Variants in SMARCC1 observed in about 807,000 individuals in gnomAD.
The protein encoded by SMARCC1 is SWI/SNF complex subunit SMARCC1.
Under a neutral mutation model 147.4 loss-of-function variants are expected in SMARCC1, and 43 were observed. The ratio of observed to expected loss-of-function variants is 0.29; its 90% CI spans 0.23 to 0.38. SMARCC1 has a LOEUF of 0.38. Among genes scored for constraint, SMARCC1 ranks in the 10% least tolerant of loss-of-function variants. SMARCC1 has a pLI of 1.00. For missense variants in SMARCC1, 1,119 were observed against 1,381.1 expected (o/e 0.81, Z 3.01); for synonymous variants, 495 against 484.4 (o/e 1.02, Z -0.29).
intron 2 of SMARCC1, among the ~76,000 whole-genome samples, chr3:47,750,908 T>C (rs2034620787): frequency 6.6e-6 from 1 of 152,032 alleles, no homozygotes. Flanking sequence ...AATTTTTTTT[T>C]TTTTTTGAGC....
intron 24 of SMARCC1, among the ~76,000 whole-genome samples, chr3:47,624,092 C>T (rs1311407241): frequency 6.6e-6 from 1 of 151,918 alleles, no homozygotes; most frequent in African/African-American, 2.4e-5. Context: ...GAGTTCGAGA[C>T]CAGCCCGGCC....
intron 2 of SMARCC1, among the ~76,000 whole-genome samples, chr3:47,749,691 A>ACACACACACACACACACAC (rs71070223): frequency 6.7e-6 from 1 of 149,734 alleles, no homozygotes. Flanking sequence ...ACACACACAC[A>ACACACACACACACACACAC]AAGTGAGACC....
chr3:47,662,547 C>T lies in SMARCC1; in HGVS notation c.1945G>A (p.Val649Ile). ...CATTCATCCTGAGTACGACTTCCAA[C>T]ATGTTCCGACACTTTGTTCCAATCA... ...KDDWNKVSEH[V>I]GSRTQDECIL... is the part of the protein sequence containing the mutation. The change falls in exon 20 of 28, where the codon GTT becomes ATT. Residue 649 changes from valine to isoleucine, a missense_variant. By Grantham distance (29) the Val-to-Ile change is conservative. This residue lies in a region of SMARCC1 where 178 missense variants were observed against 264.6 expected (regional missense o/e 0.67). Transcript: ENST00000254480. 1.2e-6 allele frequency: 2 copies of T among 1,613,992 alleles called. No individual in the cohort carries two copies. The highest frequency in any genetic ancestry group is 1.7e-6 in the Non-Finnish European group (2 of 1,179,884).
At chr3:47,749,742 G>A (rs907664767) in intron 2 of SMARCC1, among the ~76,000 whole-genome samples, 5 of 140,694 alleles carry the variant, frequency 3.6e-5, no homozygotes, top group African/African-American at 1.3e-4. Context: ...GAGACAGAGA[G>A]AGAGAGAGAG....
Position 47,610,220 on chromosome 3 carries a change from A to G in SMARCC1, c.2889T>C (p.His963=). 1.2e-6 allele frequency: 2 copies of G among 1,614,196 alleles called. No homozygotes were observed. The highest frequency in any genetic ancestry group is 1.7e-6 in the Non-Finnish European group (2 of 1,180,036). The change falls in exon 26 of 28, where the codon CAT becomes CAC. Residue 963 remains histidine (H), a synonymous_variant. Transcript: ENST00000254480. ...RARQQMEQQQ[H]GQNPQQAHQH... ...GGTGTGCCTGTTGAGGGTTCTGGCC[A>G]TGCTGCTGCTGTTCCATTTGCTGTC... is the stretch of plus-strand genomic sequence containing the variant.
At chr3:47,646,320 A>C (rs6787014) in intron 21 of SMARCC1, among the ~76,000 whole-genome samples, 146,869 of 152,244 alleles carry the variant, frequency 0.96, 71,069 homozygotes, top group East Asian at 1. Flanking sequence ...AATCATAAAC[A>C]CTTAGGAGGC....
At chr3:47,706,676 G>A in intron 9 of SMARCC1, 146 bp from the exon 10 acceptor site, 1 of 683,656 alleles carries the variant, frequency 1.5e-6, no homozygotes, top group Non-Finnish European at 2.2e-6. Flanking sequence ...TAATCATCCA[G>A]GAACACCAGT....
At chr3:47,589,478 C>T (rs1006189051) in intron 27 of SMARCC1, among the ~76,000 whole-genome samples, 3 of 152,136 alleles carry the variant, frequency 2.0e-5, no homozygotes, top group Non-Finnish European at 4.4e-5. Context: ...TAGGCGAGCT[C>T]ATTTATGTAT....
chr3:47,757,072 G>A (rs187304871), intron 2 of SMARCC1, among the ~76,000 whole-genome samples: 3 of 152,092 alleles, frequency 2.0e-5, no homozygotes, highest in South Asian at 2.1e-4. Context: ...GCAATCAGGC[G>A]AGACTGTCTC....
Position 47,610,158 on chromosome 3 carries a change from G to C in SMARCC1, c.2951C>G (p.Ala984Gly). Residue 984 changes from alanine (A) to glycine (G), a missense_variant, in exon 26 of 28, where the codon GCA (alanine) becomes GGA (glycine). By Grantham distance (60) the Ala-to-Gly change is moderately conservative. This residue lies in a region of SMARCC1 where 186 missense variants were observed against 216.5 expected (regional missense o/e 0.86). Coordinates refer to ENST00000254480, the MANE Select transcript of SMARCC1 (RefSeq NM_003074.4). ...SGGPGLAPLG[A>G]AGHPGMMPHQ... ...AGGCATCATGCCAGGGTGCCCTGCT[G>C]CTCCAAGTGGGGCCAGGCCAGGTCC... 6.2e-7 allele frequency: 1 copy of C among 1,614,078 alleles called. No individual in the cohort carries two copies. Among genetic ancestry groups the C allele is most frequent in the South Asian group, 1.1e-5 (1 of 91,072 alleles).
chr3:47,701,015 A>G (rs1376674131), intron 11 of SMARCC1, among the ~76,000 whole-genome samples: 1 of 152,192 alleles, frequency 6.6e-6, no homozygotes, highest in Non-Finnish European at 1.5e-5. Context: ...TATGAATGTG[A>G]TTCTGTTGCA....
rs2034363054 is a variant in SMARCC1, at chr3:47,730,678, C to CA, written c.577-1585dup. 3.3e-5 allele frequency among the ~76,000 whole-genome samples: 5 copies of CA among 151,972 alleles called. No homozygotes were observed. In the South Asian group the frequency reaches 1.0e-3, roughly 32 times the overall value. On this transcript the variant is annotated intron_variant, in intron 5 of 27. Coordinates refer to ENST00000254480, the MANE Select transcript of SMARCC1 (RefSeq NM_003074.4). ...GTCAGAAGTTCGAGACCAGCCTAGC[C>CA]AACGTGGTGAAACGCGTGTCTATTA...
intron 23 of SMARCC1, 129 bp downstream of exon 23, chr3:47,635,893 C>T (rs2032962387): frequency 3.4e-6 from 2 of 593,010 alleles, no homozygotes; most frequent in Non-Finnish European, 3.0e-6. Flanking sequence ...AACTCAATTA[C>T]ATACTTATTG....
Position 47,662,324 on chromosome 3 carries a change from A to C in SMARCC1, c.2158+10T>G. On this transcript the variant is annotated intron_variant, in intron 20 of 27. Coordinates refer to ENST00000254480, the MANE Select transcript of SMARCC1 (RefSeq NM_003074.4). ...TTTCTGTTGAGGAGATGGTTTAGGG[A>C]AGTCCATACCCAAAGCCGCTTTTGC... 1 of 1,612,526 alleles carries C rather than the reference A, an allele frequency of 6.2e-7. No homozygotes were observed. The highest frequency in any genetic ancestry group is 8.5e-7 in the Non-Finnish European group (1 of 1,179,206).
intron 2 of SMARCC1, among the ~76,000 whole-genome samples, chr3:47,751,537 TCTCAAAAAAAAAAAAAAA>T (rs989777329): frequency 1.4e-5 from 2 of 147,126 alleles, no homozygotes; most frequent in Non-Finnish European, 3.0e-5. Context: ...CAAGACTCTG[TCTCAAAAAAAAAAAAAAA>T]GAAAACAAAA....
intron 2 of SMARCC1, among the ~76,000 whole-genome samples, chr3:47,763,342 C>T (rs1302081087): frequency 6.7e-6 from 1 of 148,512 alleles, no homozygotes; most frequent in East Asian, 2.0e-4. Context: ...GAGGACAAGG[C>T]AGGAGGATAG....
intron 2 of SMARCC1, among the ~76,000 whole-genome samples, chr3:47,764,326 G>C (rs902246032): frequency 6.6e-6 from 1 of 152,154 alleles, no homozygotes; most frequent in Non-Finnish European, 1.5e-5. Context: ...ATGAGCCAGT[G>C]TGCCCAGCTA....
chr3:47,597,662 T>C (rs2032312841), intron 26 of SMARCC1, among the ~76,000 whole-genome samples: 2 of 152,194 alleles, frequency 1.3e-5, no homozygotes, highest in Non-Finnish European at 2.9e-5. Context: ...GGGGCCTTGC[T>C]ATGTTGCCCA....
intron 6 of SMARCC1, among the ~76,000 whole-genome samples, chr3:47,725,819 T>C (rs2034292078): frequency 6.7e-6 from 1 of 148,736 alleles, no homozygotes; most frequent in Non-Finnish European, 1.5e-5. Context: ...CCCAACACTT[T>C]GGGAGGCTGG....
Sources: gnomAD v4.1 joint callset for allele counts (sites outside exome capture counted in the v4.1 genomes callset) on GRCh38, gnomAD v4.1.1 for gene constraint, gnomAD v4.1.1 regional missense constraint, MANE v1.5 for transcripts, NCBI Gene and HGNC (gene_info 2026-07-23, HGNC 2026-07-21) for gene names.